DMD: variants seen among roughly 807,000 people sequenced by gnomAD.
DMD encodes mutant dystrophin.
Under a neutral mutation model 330.1 loss-of-function variants are expected in DMD, and 63 were observed. The ratio of observed to expected loss-of-function variants is 0.19; its 90% CI spans 0.16 to 0.24. The LOEUF (loss-of-function observed/expected upper bound fraction) is 0.24, where lower values mean the gene tolerates loss of function less well. Among genes scored for constraint, DMD ranks in the 10% least tolerant of loss-of-function variants. DMD has a pLI of 1.00. For missense variants in DMD, 3,344 were observed against 2,684.1 expected (o/e 1.25, Z -5.43); for synonymous variants, 1,223 against 959.8 (o/e 1.27, Z -5.07).
chrX:32,922,969 C>A (rs1020544931), intron 2 of DMD, among the ~76,000 whole-genome samples: 1 of 111,707 alleles, frequency 9.0e-6, no homozygotes, highest in African/African-American at 3.3e-5. Flanking sequence ...AATAGGAGTA[C>A]TATAACATAA....
chrX:31,178,918 G>C, intron 69 of DMD, 113 bp from the exon 70 acceptor site: 1 of 956,000 alleles, frequency 1.0e-6, no homozygotes, highest in Non-Finnish European at 1.5e-6. Flanking sequence ...AGAGTGTTGT[G>C]GTTGTGAGCA....
At chrX:31,280,400 A>T (rs182269707) in intron 62 of DMD, among the ~76,000 whole-genome samples, 3 of 111,583 alleles carry the variant, frequency 2.7e-5, no homozygotes, top group Non-Finnish European at 3.8e-5. Context: ...GCAAAGTAAT[A>T]CACAGTGAGA....
chrX:33,133,808 C>T (rs1202564452), intron 1 of DMD, among the ~76,000 whole-genome samples: 2 of 111,889 alleles, frequency 1.8e-5, no homozygotes, highest in Admixed American at 9.5e-5. Context: ...GTTTACTTAA[C>T]GATTTTAAGC....
intron 15 of DMD, among the ~76,000 whole-genome samples, chrX:32,567,377 G>C (rs1201448188): frequency 9.0e-6 from 1 of 111,659 alleles, no homozygotes; most frequent in Non-Finnish European, 1.9e-5. Flanking sequence ...CACGGTGTGG[G>C]GGTTTAGCAA....
Position 33,328,668 on chromosome X carries a change from A to G in DMD, c.7+10591T>C, listed in dbSNP as rs183134600. Among the ~76,000 whole-genome samples, 432 of 111,601 alleles carry G rather than the reference A, an allele frequency of 3.9e-3. 1 individual carries two copies. Among genetic ancestry groups the G allele is most frequent in the African/African-American group, 0.014 (421 of 30,726 alleles). On this transcript the variant is annotated intron_variant, in intron 1 of 17. Coordinates refer to the DMD transcript ENST00000288447. Reference sequence around the variant, plus strand: ...AGAGACAAGGAGTTTGAGTCACAGTATTAGACAAGACTAAAGACCCTACAT... The same window carrying G: ...AGAGACAAGGAGTTTGAGTCACAGTGTTAGACAAGACTAAAGACCCTACAT...
At chrX:32,527,953 G>C (rs756504620) in intron 17 of DMD, among the ~76,000 whole-genome samples, 1 of 111,764 alleles carries the variant, frequency 8.9e-6, no homozygotes, top group East Asian at 2.8e-4. Flanking sequence ...TGTGTGATAC[G>C]TGTGTGTTTG....
At chrX:32,521,827 G>A (rs1356841251) in intron 17 of DMD, among the ~76,000 whole-genome samples, 1 of 111,923 alleles carries the variant, frequency 8.9e-6, no homozygotes, top group South Asian at 3.7e-4. Flanking sequence ...GTATGTTGAA[G>A]CCTAATTCCC....
At chrX:31,750,177 TG>T (rs2088382530) in intron 51 of DMD, among the ~76,000 whole-genome samples, 1 of 110,313 alleles carries the variant, frequency 9.1e-6, no homozygotes, top group African/African-American at 3.3e-5. Flanking sequence ...TTTTGGCTTT[TG>T]TTGCCCTTGC....
At chrX:31,407,954 A>C (rs1033501199) in intron 60 of DMD, among the ~76,000 whole-genome samples, 1 of 111,941 alleles carries the variant, frequency 8.9e-6, no homozygotes, top group African/African-American at 3.2e-5. Flanking sequence ...AAATTTATTA[A>C]ATTATGAAAC....
chrX:32,180,320 A>G (rs1294487613), intron 44 of DMD, among the ~76,000 whole-genome samples: 1 of 111,891 alleles, frequency 8.9e-6, no homozygotes, highest in Admixed American at 9.5e-5. Context: ...TAGGAGTGGG[A>G]TTGCAGACAA....
At chrX:31,431,797 T>TTTC (rs1556634970) in intron 60 of DMD, among the ~76,000 whole-genome samples, 3 of 96,430 alleles carry the variant, frequency 3.1e-5, no homozygotes, top group East Asian at 3.8e-4. Flanking sequence ...ATTTTCTTTC[T>TTTC]TTTCTTTTCT....
At chrX:33,305,489 G>A (rs2053746341) in intron 1 of DMD, among the ~76,000 whole-genome samples, 1 of 102,401 alleles carries the variant, frequency 9.8e-6, no homozygotes, top group South Asian at 4.9e-4. Flanking sequence ...AATGGGTGCA[G>A]CACACCAGCA....
intron 44 of DMD, among the ~76,000 whole-genome samples, chrX:32,039,540 C>A (rs2147348117): frequency 9.0e-6 from 1 of 111,174 alleles, no homozygotes; most frequent in East Asian, 2.8e-4. Flanking sequence ...TGCCTCAAGT[C>A]CAAGTTCCCA....
At chrX:33,242,812 C>T (rs775259107) in intron 1 of DMD, among the ~76,000 whole-genome samples, 4 of 111,588 alleles carry the variant, frequency 3.6e-5, no homozygotes, top group Non-Finnish European at 7.5e-5. Context: ...GGTGGTATCA[C>T]ATCGTGGTTT....
chrX:32,716,905 T>C (rs921896426), intron 7 of DMD, among the ~76,000 whole-genome samples: 1 of 111,635 alleles, frequency 9.0e-6, no homozygotes, highest in Non-Finnish European at 1.9e-5. Context: ...TGATTTAGGG[T>C]ATATGGTAGA....
At chrX:31,725,067 T>C (rs2085911258) in intron 52 of DMD, among the ~76,000 whole-genome samples, 1 of 111,912 alleles carries the variant, frequency 8.9e-6, no homozygotes, top group Non-Finnish European at 1.9e-5. Flanking sequence ...TATACCTTCC[T>C]ATTTTTCTGA....
chrX:33,252,560 T>C (rs1337139139), intron 1 of DMD, among the ~76,000 whole-genome samples: 2 of 110,201 alleles, frequency 1.8e-5, no homozygotes, highest in African/African-American at 6.7e-5. Context: ...GGCATTCATG[T>C]TAGCCTTAGG....
At position 33,009,986 on chromosome X, in the gene DMD, GTGTATATACACGTA is replaced by G. The variant is rs1325409671; in HGVS notation, c.93+10139_93+10152del. ...TACACATATGTGTGTATACACATGT[GTGTATATACACGTA>G]TGTATGTGTATATACACATATGTGT... On this transcript the variant is annotated intron_variant, in intron 2 of 78. Transcript: ENST00000357033. 4.9e-3 allele frequency among the ~76,000 whole-genome samples: 266 copies of G among 53,961 alleles called. 5 individuals are homozygous for G. The highest frequency in any genetic ancestry group is 0.015 in the East Asian group (18 of 1,197). 46.9% of individuals were successfully genotyped at this position (53,961 alleles called of 115,157 possible).
chrX:31,123,640 T>A (rs1378891723), intron 78 of DMD, among the ~76,000 whole-genome samples: 3 of 112,085 alleles, frequency 2.7e-5, no homozygotes, highest in Non-Finnish European at 5.6e-5. Context: ...AAATTGAAGA[T>A]AGATGGACTA....
Sources: allele counts gnomAD v4.1 joint callset (sites outside exome capture counted in the v4.1 genomes callset), GRCh38; gene constraint gnomAD v4.1.1; transcripts MANE v1.5; gene names NCBI Gene and HGNC (gene_info 2026-07-23, HGNC 2026-07-21).